ARMC9: variants seen among roughly 807,000 people sequenced by gnomAD.
ARMC9 encodes the protein lisH domain-containing protein ARMC9.
ARMC9 carries 94 observed loss-of-function variants against 107.0 expected under a neutral mutation model. The observed-to-expected ratio is 0.88, with a 90% CI of 0.74 to 1.04. The LOEUF is 1.04. Among genes scored for constraint, ARMC9 ranks in the 50% least tolerant of loss-of-function variants. The probability of loss-of-function intolerance (pLI) is 0.00; values close to 1 mark genes in which losing one functional copy is unlikely to be tolerated. For synonymous variants in ARMC9, 380 were observed against 396.9 expected (o/e 0.96, Z 0.51); for missense variants, 942 against 1,030.1 (o/e 0.91, Z 1.17).
chr2:231,264,093 G>A (rs761646648), intron 12 of ARMC9, among the ~76,000 whole-genome samples: 27 of 152,186 alleles, frequency 1.8e-4, no homozygotes, highest in African/African-American at 6.0e-4. Flanking sequence ...TTTGTCATCT[G>A]TGATTTTTGT....
intron 13 of ARMC9, 44 bp from the exon 14 acceptor site, chr2:231,272,911 A>AT: frequency 6.3e-7 from 1 of 1,599,848 alleles, no homozygotes; most frequent in African/African-American, 1.3e-5. Context: ...TACCAGATAA[A>AT]TTATTTCTGT....
At chr2:231,235,690 T>G (rs188646133) in intron 8 of ARMC9, among the ~76,000 whole-genome samples, 2 of 152,356 alleles carry the variant, frequency 1.3e-5, no homozygotes, top group Admixed American at 1.3e-4. Flanking sequence ...TTGCCCAGGT[T>G]GGAGTGCAAT....
At chr2:231,290,519 A>G (rs1361248558) in intron 17 of ARMC9, among the ~76,000 whole-genome samples, 1 of 152,198 alleles carries the variant, frequency 6.6e-6, no homozygotes, top group Non-Finnish European at 1.5e-5. Flanking sequence ...GATCATTATT[A>G]GAAGCACTTT....
rs552552276 is a variant in ARMC9, at chr2:231,367,962, G to A, written c.2262-1991G>A. Among the ~76,000 whole-genome samples, 9 of 144,042 alleles carry A rather than the reference G, an allele frequency of 6.2e-5. No individual in the cohort carries two copies. The East Asian group carries it at 8.0e-4, about 13-fold the overall frequency. The allele number at this position is 144,042 out of a possible 152,430, so 94.5% of individuals were successfully genotyped here. A position where few individuals can be genotyped will look rare whatever the true frequency, so the allele number is the denominator to read the frequency against. On this transcript the variant is annotated intron_variant, in intron 23 of 24. Coordinates refer to ENST00000611582, the MANE Select transcript of ARMC9 (RefSeq NM_001352754.2). Reference sequence around the variant, plus strand: ...ACCATTGCACTACAGCCTGGGCAACGAGCAAAACTCCATTTCAAAAAAAAA... The same window carrying A: ...ACCATTGCACTACAGCCTGGGCAACAAGCAAAACTCCATTTCAAAAAAAAA...
chr2:231,258,024 C>G (rs761331701), intron 10 of ARMC9, among the ~76,000 whole-genome samples: 1 of 147,972 alleles, frequency 6.8e-6, no homozygotes, highest in African/African-American at 2.5e-5. Context: ...CAAGGTCTCT[C>G]CTCACTGAAA....
intron 9 of ARMC9, 44 bp from the exon 10 acceptor site, chr2:231,256,542 C>G: frequency 6.2e-7 from 1 of 1,601,774 alleles, no homozygotes; most frequent in Non-Finnish European, 8.6e-7. Context: ...GCATTGCTAT[C>G]AGTGTTTAAC....
intron 1 of ARMC9, among the ~76,000 whole-genome samples, chr2:231,202,290 G>A (rs1486562042): frequency 1.0e-4 from 15 of 149,944 alleles, no homozygotes; most frequent in African/African-American, 2.2e-4. Context: ...GTGAGCCACC[G>A]TGCCCAGCTG....
At chr2:231,235,653 T>C (rs909128638) in intron 8 of ARMC9, among the ~76,000 whole-genome samples, 1 of 152,230 alleles carries the variant, frequency 6.6e-6, no homozygotes, top group African/African-American at 2.4e-5. Flanking sequence ...TTTGTTTGTT[T>C]GTTTTTGAGA....
At chr2:231,264,886 CAGG>C (rs916065374) in intron 12 of ARMC9, among the ~76,000 whole-genome samples, 1 of 151,908 alleles carries the variant, frequency 6.6e-6, no homozygotes, top group African/African-American at 2.4e-5. Context: ...GCGGGTGGAT[CAGG>C]AGGTTAGGAG....
chr2:231,251,103 T>G (rs572534197), intron 9 of ARMC9, among the ~76,000 whole-genome samples: 20 of 152,216 alleles, frequency 1.3e-4, no homozygotes, highest in African/African-American at 4.3e-4. Flanking sequence ...ATGGAATCAG[T>G]AGGACCTGAT....
Position 231,235,377 on chromosome 2 carries a change from A to G in ARMC9, c.776A>G (p.Lys259Arg). Reference protein sequence around the residue: ...VDSLEATVSGKMITPEYLQSV... With the variant: ...VDSLEATVSGRMITPEYLQSV... ...TCTCTAGAGGCCACAGTCAGCGGCA[A>G]GATGGTAAGGAAGATCCCTAATTGT... Residue 259 changes from lysine (K) to arginine (R), a missense_variant, in exon 8 of 25, where the codon AAG (lysine) becomes AGG (arginine). By Grantham distance (26) the Lys-to-Arg change is conservative (BLOSUM62 2). Coordinates refer to ENST00000611582, the MANE Select transcript of ARMC9 (RefSeq NM_001352754.2). 1 of 1,614,138 alleles carries G rather than the reference A, an allele frequency of 6.2e-7. No homozygotes were observed. Among genetic ancestry groups the G allele is most frequent in the Non-Finnish European group, 8.5e-7 (1 of 1,179,996 alleles).
intron 9 of ARMC9, 94 bp from the exon 10 acceptor site, chr2:231,256,492 A>G: frequency 1.3e-6 from 2 of 1,493,818 alleles, no homozygotes; most frequent in Non-Finnish European, 1.9e-6. Context: ...TAACTTGCAC[A>G]TCTGTTGATT....
intron 12 of ARMC9, chr2:231,270,727 C>T (rs751577123): frequency 4.7e-5 from 29 of 618,800 alleles, no homozygotes; most frequent in Admixed American, 4.1e-4. Flanking sequence ...CTGCTTCCCT[C>T]GCGCCAGTCA....
intron 17 of ARMC9, among the ~76,000 whole-genome samples, chr2:231,286,242 A>T (rs1185403215): frequency 6.6e-6 from 1 of 152,078 alleles, no homozygotes; most frequent in Non-Finnish European, 1.5e-5. Context: ...CAGCCTCCAG[A>T]GTAGCTGGGA....
chr2:231,309,600 GGA>G (rs1402613815), intron 19 of ARMC9, among the ~76,000 whole-genome samples: 1 of 152,128 alleles, frequency 6.6e-6, no homozygotes, highest in East Asian at 1.9e-4. Context: ...AAATATGACT[GGA>G]GAAAAAATGT....
intron 24 of ARMC9, chr2:231,370,474 C>T (rs1319436438): frequency 3.2e-5 from 7 of 216,830 alleles, no homozygotes; most frequent in Admixed American, 5.8e-5. Flanking sequence ...CCTGCTGCCC[C>T]GGGGTTGGCC....
intron 21 of ARMC9, among the ~76,000 whole-genome samples, chr2:231,351,411 C>A (rs2045074959): frequency 6.6e-6 from 1 of 152,088 alleles, no homozygotes; most frequent in African/African-American, 2.4e-5. Flanking sequence ...TATTACATTT[C>A]CCTTACCGTT....
At chr2:231,330,171 C>T (rs992402251) in intron 19 of ARMC9, among the ~76,000 whole-genome samples, 20 of 151,400 alleles carry the variant, frequency 1.3e-4, no homozygotes, top group Admixed American at 3.3e-4. Context: ...TCATGTAGAT[C>T]GATTCTTACC....
chr2:231,244,497 C>T (rs75711419), intron 9 of ARMC9, among the ~76,000 whole-genome samples: 20,532 of 151,722 alleles, frequency 0.14, 2,878 homozygotes, highest in African/African-American at 0.35. Flanking sequence ...TCCTGAATAG[C>T]TGGGACTATG....
Sources: gnomAD v4.1 joint callset for allele counts (sites outside exome capture counted in the v4.1 genomes callset) on GRCh38, gnomAD v4.1.1 for gene constraint, MANE v1.5 for transcripts, NCBI Gene and HGNC (gene_info 2026-07-23, HGNC 2026-07-21) for gene names.